MICAL2: variants seen among roughly 807,000 people sequenced by gnomAD.
MICAL2 encodes [F-actin]-monooxygenase MICAL2.
Under a neutral mutation model 127.3 loss-of-function variants are expected in MICAL2, and 77 were observed. That is an observed-to-expected ratio of 0.60 (90% CI 0.50 to 0.73). The LOEUF (loss-of-function observed/expected upper bound fraction) is 0.73, where lower values mean the gene tolerates loss of function less well. Among genes scored for constraint, MICAL2 ranks in the 30% least tolerant of loss-of-function variants. The probability of loss-of-function intolerance (pLI) is 0.00; values close to 1 mark genes in which losing one functional copy is unlikely to be tolerated. For synonymous variants in MICAL2, 570 were observed against 551.1 expected (o/e 1.03, Z -0.48); for missense variants, 1,351 against 1,434.4 (o/e 0.94, Z 0.94).
At chr11:12,233,157 T>C (rs1051869021) in intron 15 of MICAL2, among the ~76,000 whole-genome samples, 1 of 152,236 alleles carries the variant, frequency 6.6e-6, no homozygotes, top group Non-Finnish European at 1.5e-5. Flanking sequence ...TAGCACGTTA[T>C]AGTTTAAGAA....
intron 32 of MICAL2, among the ~76,000 whole-genome samples, chr11:12,346,215 G>C (rs116258074): frequency 1.5e-3 from 231 of 152,304 alleles, no homozygotes; most frequent in African/African-American, 5.1e-3. Context: ...TCCTGCACTG[G>C]CTCATGGCTG....
At chr11:12,180,921 CTTTTTTT>C (rs56946936) in intron 3 of MICAL2, among the ~76,000 whole-genome samples, 3,007 of 82,498 alleles carry the variant, frequency 0.036, 87 homozygotes, top group African/African-American at 0.092. Context: ...TATTTTCCTT[CTTTTTTT>C]TTTTTTTTTT....
chr11:12,329,403 AAAG>A (rs1276753309), intron 32 of MICAL2, among the ~76,000 whole-genome samples: 3 of 152,164 alleles, frequency 2.0e-5, no homozygotes, highest in African/African-American at 7.2e-5. Context: ...GAGCATTAGA[AAAG>A]AAGAGGAAAA....
At chr11:12,303,928 T>C (rs1864078401) in intron 29 of MICAL2, 1 of 152,044 alleles carries the variant, frequency 6.6e-6, no homozygotes, top group Non-Finnish European at 1.5e-5. Flanking sequence ...TCCCACCTAC[T>C]CAGCAGGTGT....
At chr11:12,223,100 T>C (rs189594620) in intron 11 of MICAL2, among the ~76,000 whole-genome samples, 1 of 152,326 alleles carries the variant, frequency 6.6e-6, no homozygotes, top group East Asian at 1.9e-4. Flanking sequence ...CTTCCACTAA[T>C]TTAAAGCCAC....
At chr11:12,161,981 G>C in intron 2 of MICAL2, 98 bp from the exon 3 acceptor site, 3 of 705,948 alleles carry the variant, frequency 4.2e-6, no homozygotes, top group Non-Finnish European at 7.0e-6. Context: ...GTTAATATTT[G>C]AATGTCTTAA....
intron 2 of MICAL2, among the ~76,000 whole-genome samples, chr11:12,155,743 C>T (rs769029867): frequency 2.6e-5 from 4 of 152,244 alleles, no homozygotes; most frequent in Admixed American, 6.5e-5. Flanking sequence ...TCCACATAGA[C>T]GTGTTTTGAG....
chr11:12,111,282 GTGGTCCGAGGGGCCGCGGC>G (rs1234284098), intron 1 of MICAL2, among the ~76,000 whole-genome samples: 1 of 152,230 alleles, frequency 6.6e-6, no homozygotes, highest in Non-Finnish European at 1.5e-5. Flanking sequence ...GGTCGTGGCA[GTGGTCCGAGGGGCCGCGGC>G]ACTGTCCGCT....
intron 22 of MICAL2, chr11:12,254,528 TTCTCC>T (rs1425429801): frequency 6.6e-6 from 1 of 152,526 alleles, no homozygotes; most frequent in Non-Finnish European, 1.5e-5. Context: ...CCTGATTTTC[TTCTCC>T]TCTTTGCTTG....
intron 4 of MICAL2, 142 bp from the exon 5 acceptor site, chr11:12,207,881 G>A (rs1386394880): frequency 8.9e-6 from 6 of 671,190 alleles, no homozygotes; most frequent in African/African-American, 8.9e-5. Flanking sequence ...AGCTCTTGGT[G>A]CATAATCCCG....
chr11:12,165,138 C>CAAA lies in MICAL2; in HGVS notation c.264+2734_264+2736dup, dbSNP rs1207353830. 4.6e-3 allele frequency among the ~76,000 whole-genome samples: 335 copies of CAAA among 73,346 alleles called. 2 individuals carry two copies. The highest frequency in any genetic ancestry group is 0.017 in the African/African-American group (319 of 19,182). 48.1% of individuals were successfully genotyped at this position (73,346 alleles called of 152,430 possible). A position where few individuals can be genotyped will look rare whatever the true frequency, so the allele number is the denominator to read the frequency against. On this transcript the variant is annotated intron_variant, in intron 3 of 27. Transcript: ENST00000683283. ...TGGGTGACAGAGCGAGACTCCATCTCAAAAAAAAAAAAAAAAAGAAAAGAA... is the reference window on the plus strand; with the variant it reads ...TGGGTGACAGAGCGAGACTCCATCTCAAAAAAAAAAAAAAAAAAAAGAAAAGAA...
chr11:12,251,479 GT>G (rs1418902077), intron 22 of MICAL2, among the ~76,000 whole-genome samples: 1 of 150,676 alleles, frequency 6.6e-6, no homozygotes, highest in Non-Finnish European at 1.5e-5. Flanking sequence ...AGAAGTGCTG[GT>G]CTACCTCTTG....
intron 32 of MICAL2, among the ~76,000 whole-genome samples, chr11:12,348,152 T>TAAA (rs1460224640): frequency 1.1e-4 from 2 of 17,772 alleles, no homozygotes; most frequent in African/African-American, 2.0e-4. Context: ...AGACTCTGTC[T>TAAA]CAAAAAAAAA....
At chr11:12,273,516 A>G (rs893077044), upstream of MICAL2, among the ~76,000 whole-genome samples, 1 of 150,570 alleles carries the variant, frequency 6.6e-6, no homozygotes, top group Non-Finnish European at 1.5e-5. Flanking sequence ...CAAACTAGCA[A>G]CCCACTTGCT....
intron 8 of MICAL2, 116 bp from the exon 9 acceptor site, chr11:12,220,085 C>T: frequency 8.0e-7 from 1 of 1,246,878 alleles, no homozygotes; most frequent in Non-Finnish European, 1.1e-6. Context: ...TTTTATATGT[C>T]TTTTCTGACT....
intron 3 of MICAL2, among the ~76,000 whole-genome samples, chr11:12,179,458 G>A (rs1857192369): frequency 6.6e-6 from 1 of 152,158 alleles, no homozygotes; most frequent in Non-Finnish European, 1.5e-5. Context: ...AACTCCCACT[G>A]GAAATGCTCC....
chr11:12,276,117 G>A (rs897172558), exon 1 of MICAL2: 1 of 399,252 alleles, frequency 2.5e-6, no homozygotes, highest in Middle Eastern at 6.3e-4. Flanking sequence ...GGAAGCAGCT[G>A]GACAGGATGT....
chr11:12,146,559 A>G (rs1327728431), intron 2 of MICAL2, among the ~76,000 whole-genome samples: 2 of 152,160 alleles, frequency 1.3e-5, no homozygotes, highest in Admixed American at 6.5e-5. Context: ...AAGTCAGGAA[A>G]CAACAGGTGC....
intron 15 of MICAL2, among the ~76,000 whole-genome samples, chr11:12,234,566 A>AC (rs1329157579): frequency 6.6e-6 from 1 of 152,220 alleles, no homozygotes; most frequent in Non-Finnish European, 1.5e-5. Flanking sequence ...GCTGAGGAAA[A>AC]CGTTCAAGAG....
Sources: allele counts gnomAD v4.1 joint callset (sites outside exome capture counted in the v4.1 genomes callset), GRCh38; gene constraint gnomAD v4.1.1; transcripts MANE v1.5; gene names NCBI Gene and HGNC (gene_info 2026-07-23, HGNC 2026-07-21).